RAB43: variants seen among roughly 807,000 people sequenced by gnomAD.
RAB43 encodes the protein ras-related protein Rab-43.
In RAB43, 6 loss-of-function variants were observed where a neutral mutation model predicts 18.8. That is an observed-to-expected ratio of 0.32 (90% confidence interval 0.17 to 0.63). The LOEUF (loss-of-function observed/expected upper bound fraction) is 0.63, where lower values mean the gene tolerates loss of function less well. Among genes scored for constraint, RAB43 ranks in the 30% least tolerant of loss-of-function variants. The probability of loss-of-function intolerance (pLI) is 0.79; values close to 1 mark genes in which losing one functional copy is unlikely to be tolerated. For missense variants in RAB43, 195 were observed against 289.1 expected (o/e 0.67, Z 2.36); for synonymous variants, 103 against 124.1 (o/e 0.83, Z 1.13).
chr3:129,117,013 G>C (rs1935581382), intron 1 of RAB43, among the ~76,000 whole-genome samples: 1 of 152,020 alleles, frequency 6.6e-6, no homozygotes, highest in African/African-American at 2.4e-5. Flanking sequence ...GAGGAAAACA[G>C]TAACTGCAGC....
chr3:129,114,576 G>A (rs1935401617), intron 1 of RAB43, among the ~76,000 whole-genome samples: 1 of 152,180 alleles, frequency 6.6e-6, no homozygotes, highest in Admixed American at 6.5e-5. Flanking sequence ...ACTGAACTCT[G>A]AGAATTCCTC....
At chr3:129,102,322 T>C (rs2107999391) in intron 1 of RAB43, among the ~76,000 whole-genome samples, 1 of 152,284 alleles carries the variant, frequency 6.6e-6, no homozygotes, top group East Asian at 1.9e-4. Flanking sequence ...AGACAAGATG[T>C]GCTCTGGTTT....
chr3:129,112,551 GC>G (rs1935238332), intron 1 of RAB43, among the ~76,000 whole-genome samples: 1 of 152,096 alleles, frequency 6.6e-6, no homozygotes. Flanking sequence ...TTAGCTGAAG[GC>G]CAGGCTTTTA....
rs781310189 is a variant in RAB43, at chr3:129,107,982, G to A, written c.205-12813C>T. Among the ~76,000 whole-genome samples the A allele has an allele frequency of 7.9e-5, 12 of 152,202 alleles. No individual in the cohort carries two copies. The highest frequency in any genetic ancestry group is 7.3e-5 in the Non-Finnish European group (5 of 68,038). ...GCTGCCTATGGCCCCCAGGCCCACAGCCTGCCAGTGCCACCAGGCTGGCCC... is the reference window on the plus strand; with the variant it reads ...GCTGCCTATGGCCCCCAGGCCCACAACCTGCCAGTGCCACCAGGCTGGCCC... On this transcript the variant is annotated intron_variant, in intron 1 of 2. Coordinates refer to ENST00000315150, the MANE Select transcript of RAB43 (RefSeq NM_198490.3). This position sits in a 1 kb window ranked among gnomAD's most constrained non-coding sequence, Gnocchi z 4.2.
intron 1 of RAB43, among the ~76,000 whole-genome samples, chr3:129,106,428 G>A (rs889819896): frequency 9.2e-5 from 14 of 152,270 alleles, no homozygotes; most frequent in Non-Finnish European, 2.1e-4. Context: ...CCTGACTGCC[G>A]CTGTCCCTCC....
At chr3:129,094,685 T>A (rs954866166) in intron 2 of RAB43, among the ~76,000 whole-genome samples, 1 of 151,692 alleles carries the variant, frequency 6.6e-6, no homozygotes, top group Non-Finnish European at 1.5e-5. Context: ...CGGCTAATTT[T>A]TTTTTATTTT....
chr3:129,094,900 C>T, intron 2 of RAB43, 86 bp downstream of exon 2: 2 of 1,503,896 alleles, frequency 1.3e-6, no homozygotes, highest in Non-Finnish European at 8.9e-7. Context: ...CCTCTGAACT[C>T]AGGGTTACAC....
chr3:129,101,202 T>G lies in RAB43; in HGVS notation c.205-6033A>C, dbSNP rs1487968136. Among the ~76,000 whole-genome samples, 3 of 152,228 alleles carry G rather than the reference T, an allele frequency of 2.0e-5. No individual in the cohort carries two copies. In the East Asian group the frequency reaches 5.8e-4, roughly 29 times the overall value. On this transcript the variant is annotated intron_variant, in intron 1 of 2. Coordinates refer to ENST00000315150, the MANE Select transcript of RAB43 (RefSeq NM_198490.3). ...CATGGAGAAGGTGCTGATAAATGCA[T>G]CCGTTTAACAATATTTACTGAGCTA...
intron 1 of RAB43, among the ~76,000 whole-genome samples, chr3:129,105,808 AAAAC>A (rs1215055138): frequency 6.6e-6 from 1 of 152,122 alleles, no homozygotes; most frequent in African/African-American, 2.4e-5. Context: ...TTAACATTAA[AAAAC>A]AAACAAAAAG....
chr3:129,121,477 C>G lies in RAB43; in HGVS notation c.13G>C (p.Gly5Arg), dbSNP rs1315231024. 1.2e-6 allele frequency: 2 copies of G among 1,611,106 alleles called. No homozygotes were observed. Among genetic ancestry groups the G allele is most frequent in the Admixed American group, 1.7e-5 (1 of 59,704 alleles). The change falls in exon 1 of 3, where the codon GGC becomes CGC. Residue 5 changes from glycine (G) to arginine (R), a missense_variant. Coordinates refer to ENST00000315150, the MANE Select transcript of RAB43 (RefSeq NM_198490.3). Reference sequence around the variant, plus strand: ...TCGTCCGGGTCCCCCGGGCCTGGGCCCGGCCCTGCCATGGCCTAGAAGAAG... The same window carrying G: ...TCGTCCGGGTCCCCCGGGCCTGGGCGCGGCCCTGCCATGGCCTAGAAGAAG... MAGP[G>R]PGPGDPDEQY...
chr3:129,113,117 T>C (rs965150524), intron 1 of RAB43, among the ~76,000 whole-genome samples: 3 of 151,822 alleles, frequency 2.0e-5, no homozygotes, highest in African/African-American at 7.3e-5. Flanking sequence ...CTGAAAGGGA[T>C]AGCACTCATA....
chr3:129,121,563 G>C lies in RAB43; in HGVS notation c.-74C>G. On this transcript the variant is annotated 5_prime_UTR_variant, in exon 1 of 3. Coordinates refer to ENST00000315150, the MANE Select transcript of RAB43 (RefSeq NM_198490.3). ...TGAGCTCACGCAAGCCGCGGGCCGA[G>C]CTCCGCCCGCTCCAGCCCACGGGCC... 2.3e-6 allele frequency: 3 copies of C among 1,289,008 alleles called. No homozygotes were observed. The highest frequency in any genetic ancestry group is 3.1e-6 in the Non-Finnish European group (3 of 956,796). 79.8% of individuals were successfully genotyped at this position (1,289,008 alleles called of 1,614,324 possible). A position where few individuals can be genotyped will look rare whatever the true frequency, so the allele number is the denominator to read the frequency against.
At chr3:129,092,012 T>C (rs1933699527) in intron 2 of RAB43, among the ~76,000 whole-genome samples, 1 of 150,368 alleles carries the variant, frequency 6.7e-6, no homozygotes, top group Non-Finnish European at 1.5e-5. Flanking sequence ...GAGCCGAGAT[T>C]GTGCCACTGT....
intron 1 of RAB43, among the ~76,000 whole-genome samples, chr3:129,121,080 C>CGA (rs200441206): frequency 1.4e-5 from 2 of 147,718 alleles, no homozygotes; most frequent in East Asian, 4.1e-4. Flanking sequence ...CCCCCCCCCC[C>CGA]CCAGCAACCC....
intron 1 of RAB43, among the ~76,000 whole-genome samples, chr3:129,114,951 T>A (rs901678807): frequency 2.0e-5 from 3 of 152,100 alleles, no homozygotes; most frequent in Non-Finnish European, 4.4e-5. Context: ...GCAACTAGGC[T>A]GAGAAACCAA....
rs747760866 is a variant in RAB43, at chr3:129,094,998, G to T, written c.376C>A (p.Gln126Lys). The T allele has an allele frequency of 1.7e-5, 28 of 1,610,742 alleles. No homozygotes were observed. Among genetic ancestry groups the T allele is most frequent in the Non-Finnish European group, 1.7e-6 (2 of 1,178,136 alleles). ...VRKYAGSNIVQLLIGNKSDLS... is the reference protein window; with the variant it reads ...VRKYAGSNIVKLLIGNKSDLS... ...ATCCCCAACTCACCGATCAGCAGCT[G>T]CACAATGTTGGAGCCCGCATACTTC... is the stretch of plus-strand genomic sequence containing the variant. Residue 126 changes from glutamine to lysine, a missense_variant, in exon 2 of 3, where the codon CAG becomes AAG. Coordinates refer to ENST00000315150, the MANE Select transcript of RAB43 (RefSeq NM_198490.3).
rs1176377898 is a variant in RAB43 at position 129,121,713 on chromosome 3, G to A, written c.-224C>T. The A allele has an allele frequency of 4.4e-6, 1 of 227,558 alleles. No individual in the cohort carries two copies. The highest frequency in any genetic ancestry group is 7.3e-6 in the Non-Finnish European group (1 of 137,774). The allele number at this position is 227,558 out of a possible 1,614,324, so 14.1% of individuals were successfully genotyped here. On this transcript the variant is annotated 5_prime_UTR_variant, in exon 1 of 3. Coordinates refer to ENST00000315150, the MANE Select transcript of RAB43 (RefSeq NM_198490.3). Reference sequence around the variant, plus strand: ...GCCCGGCTCGGCCCCGCCCGGACCCGGTGCCCCGCGGGTTCGGCTCCCCCC... The same window carrying A: ...GCCCGGCTCGGCCCCGCCCGGACCCAGTGCCCCGCGGGTTCGGCTCCCCCC...
intron 1 of RAB43, among the ~76,000 whole-genome samples, chr3:129,110,565 G>A (rs546093806): frequency 3.3e-5 from 5 of 152,300 alleles, no homozygotes; most frequent in East Asian, 1.9e-4. Context: ...GTGGCTGGGC[G>A]CGGTGGCTCA....
chr3:129,092,949 C>CT (rs1933776497), intron 2 of RAB43, among the ~76,000 whole-genome samples: 1 of 148,874 alleles, frequency 6.7e-6, no homozygotes, highest in Non-Finnish European at 1.5e-5. Context: ...GGGTGAGACT[C>CT]TGTCTCAAAA....
Sources: gnomAD v4.1 joint callset for allele counts (sites outside exome capture counted in the v4.1 genomes callset) on GRCh38, gnomAD v4.1.1 for gene constraint, Gnocchi (gnomAD v3.1) non-coding constraint, MANE v1.5 for transcripts, NCBI Gene and HGNC (gene_info 2026-07-23, HGNC 2026-07-21) for gene names.